IQGAP3: variants seen among roughly 807,000 people sequenced by gnomAD.
IQGAP3 encodes the protein IQ motif containing GTPase activating protein 3, also known as ras GTPase-activating-like protein IQGAP3.
A neutral mutation model predicts 208.2 loss-of-function variants in IQGAP3; 165 were observed. That is an observed-to-expected ratio of 0.79 (90% CI 0.70 to 0.90). The LOEUF is 0.90. Ranked by LOEUF, IQGAP3 falls within the 40% of genes least tolerant of loss-of-function variation. IQGAP3 has a pLI of 0.00. For missense variants in IQGAP3, 1,811 were observed against 2,043.1 expected (o/e 0.89, Z 2.19); for synonymous variants, 703 against 803.6 (o/e 0.87, Z 2.12).
At position 156,543,991 on chromosome 1, in the gene IQGAP3, G is replaced by A. The variant is rs1229331369; in HGVS notation, c.2520C>T (p.Tyr840=). The A allele has an allele frequency of 1.9e-6, 3 of 1,613,974 alleles. No individual in the cohort carries two copies. The highest frequency in any genetic ancestry group is 2.7e-5 in the African/African-American group (2 of 74,928). The part of the protein sequence containing the change: ...FFRARKAQDD[Y]RILVHAPHPP... ...GATCAGGCAGCTCACCTAATATCCT[G>A]TAGTCATCTTGGGCTTTCCTGGCTC... Residue 840 remains tyrosine, a synonymous_variant, in exon 22 of 38, where the codon TAC becomes TAT. Coordinates refer to ENST00000361170, the MANE Select transcript of IQGAP3 (RefSeq NM_178229.5).
At position 156,548,385 on chromosome 1, in the gene IQGAP3, G is replaced by C; in HGVS notation, c.2096C>G (p.Pro699Arg). 1.2e-6 allele frequency: 2 copies of C among 1,613,976 alleles called. No individual in the cohort carries two copies. Among genetic ancestry groups the C allele is most frequent in the Non-Finnish European group, 1.7e-6 (2 of 1,179,982 alleles). The change falls in exon 18 of 38, where the codon CCC becomes CGC. Residue 699 changes from proline to arginine, a missense_variant. Transcript: ENST00000361170. ...QGIWEQPPGCPLNTSHLTREE... is the reference protein window; with the variant it reads ...QGIWEQPPGCRLNTSHLTREE... Reference sequence around the variant, plus strand: ...CCGGGTCAGGTGAGAGGTGTTGAGGGGGCAGCCAGGAGGTTGCTCCCAGAT... The same window carrying C: ...CCGGGTCAGGTGAGAGGTGTTGAGGCGGCAGCCAGGAGGTTGCTCCCAGAT...
chr1:156,527,336 G>C (rs1473278717), intron 37 of IQGAP3, among the ~76,000 whole-genome samples: 2 of 151,822 alleles, frequency 1.3e-5, no homozygotes, highest in African/African-American at 4.8e-5. Flanking sequence ...ACAAAAAGCC[G>C]GTGTGGTGGC....
chr1:156,546,599 A>G (rs1158851087), intron 19 of IQGAP3, among the ~76,000 whole-genome samples: 1 of 152,202 alleles, frequency 6.6e-6, no homozygotes. Flanking sequence ...CGGAGCACTT[A>G]CCATGCTAAG....
chr1:156,569,773 C>T (rs930443724), intron 1 of IQGAP3, among the ~76,000 whole-genome samples: 1 of 152,082 alleles, frequency 6.6e-6, no homozygotes, highest in African/African-American at 2.4e-5. Context: ...CCCGCCTTGG[C>T]CTCCCAAAGT....
intron 19 of IQGAP3, among the ~76,000 whole-genome samples, chr1:156,547,800 G>A (rs1160485339): frequency 6.6e-6 from 1 of 152,184 alleles, no homozygotes. Flanking sequence ...TAAGGTAGGT[G>A]CTATCGTTAT....
At chr1:156,549,847 G>A (rs900560891) in intron 16 of IQGAP3, among the ~76,000 whole-genome samples, 5 of 152,120 alleles carry the variant, frequency 3.3e-5, no homozygotes, top group African/African-American at 9.7e-5. Flanking sequence ...GAGTCTGCCT[G>A]TTTTCCTCAA....
Position 156,539,916 on chromosome 1 carries a change from C to T in IQGAP3, c.2814G>A (p.Lys938=). Reference sequence around the variant, plus strand: ...TGCTCAGCGACTTTAAACCCTTCTGCTTGTCCAGAACCATCATATCTGACA... The same window carrying T: ...TGCTCAGCGACTTTAAACCCTTCTGTTTGTCCAGAACCATCATATCTGACA... ...EQLSDMMVLD[K]QKGLKSLSKE... is the part of the protein sequence containing the mutation. Residue 938 remains lysine, a synonymous_variant, in exon 24 of 38, where the codon AAG becomes AAA. Transcript: ENST00000361170. 1 of 1,614,138 alleles carries T rather than the reference C, an allele frequency of 6.2e-7. No individual in the cohort carries two copies. The highest frequency in any genetic ancestry group is 8.5e-7 in the Non-Finnish European group (1 of 1,180,024).
chr1:156,534,201 TC>T, intron 29 of IQGAP3, 60 bp from the exon 30 acceptor site: 1 of 1,603,688 alleles, frequency 6.2e-7, no homozygotes. Context: ...ACATCTTCTG[TC>T]CCCATCATTT....
In IQGAP3 at chr1:156,539,260, C is replaced by T. The variant is rs576275040; in HGVS notation, c.3056+114G>A. ...TCCACAGGAGGTAGAGAAAAGAGGTCTTCTGATTCCATTTCTACCCTTAGG... is the reference window on the plus strand; with the variant it reads ...TCCACAGGAGGTAGAGAAAAGAGGTTTTCTGATTCCATTTCTACCCTTAGG... On this transcript the variant is annotated intron_variant, in intron 25 of 37. Coordinates refer to ENST00000361170, the MANE Select transcript of IQGAP3 (RefSeq NM_178229.5). 25 of 1,054,632 alleles carry T rather than the reference C, an allele frequency of 2.4e-5. 1 individual carries two copies. The East Asian group carries it at 6.3e-4, about 26-fold the overall frequency. The allele number at this position is 1,054,632 out of a possible 1,614,324, so 65.3% of individuals were successfully genotyped here. A position where few individuals can be genotyped will look rare whatever the true frequency, so the allele number is the denominator to read the frequency against.
At position 156,539,403 on chromosome 1, in the gene IQGAP3, C is replaced by T. The variant is rs764977105; in HGVS notation, c.3027G>A (p.Leu1009=). 6.2e-7 allele frequency: 1 copy of T among 1,614,088 alleles called. No individual in the cohort carries two copies. Among genetic ancestry groups the T allele is most frequent in the Non-Finnish European group, 8.5e-7 (1 of 1,180,012 alleles). ...SRREAYLLLQ[L]FKTALQEEIK... ...TTTCCTCCTGGAGTGCTGTCTTGAA[C>T]AGCTGGAGCAGGAGATAGGCCTCTC... Residue 1009 remains leucine (L), a synonymous_variant, in exon 25 of 38, where the codon CTG becomes CTA. Coordinates refer to ENST00000361170, the MANE Select transcript of IQGAP3 (RefSeq NM_178229.5).
rs1674063157 is a variant in IQGAP3 at position 156,526,464 on chromosome 1, T to C, written c.*22A>G. 2 of 1,470,208 alleles carry C rather than the reference T, an allele frequency of 1.4e-6. No individual in the cohort carries two copies. The highest frequency in any genetic ancestry group is 1.7e-5 in the Admixed American group (1 of 59,818). The allele number at this position is 1,470,208 out of a possible 1,614,324, so 91.1% of individuals were successfully genotyped here. On this transcript the variant is annotated 3_prime_UTR_variant, in exon 38 of 38. Coordinates refer to ENST00000361170, the MANE Select transcript of IQGAP3 (RefSeq NM_178229.5). ...AGCATCCAGAGAGGTAAGAGGGGCTTGGGTAGCACCCTTTGCCTCTGTCAC... is the reference window on the plus strand; with the variant it reads ...AGCATCCAGAGAGGTAAGAGGGGCTCGGGTAGCACCCTTTGCCTCTGTCAC...
At chr1:156,569,486 G>A (rs373997166) in intron 1 of IQGAP3, 23 bp from the exon 2 acceptor site, 1 of 1,403,804 alleles carries the variant, frequency 7.1e-7, no homozygotes, top group Admixed American at 1.8e-5. Context: ...ACGGGATAAG[G>A]TCAATGAAGA....
At position 156,534,698 on chromosome 1, in the gene IQGAP3, G is replaced by A. The variant is rs139003841; in HGVS notation, c.3543C>T (p.Asn1181=). 2.9e-5 allele frequency: 46 copies of A among 1,605,870 alleles called. No individual in the cohort carries two copies. The highest frequency in any genetic ancestry group is 3.6e-5 in the Non-Finnish European group (42 of 1,177,112). Residue 1181 remains asparagine, a synonymous_variant, in exon 29 of 38, where the codon AAC becomes AAT. Coordinates refer to ENST00000361170, the MANE Select transcript of IQGAP3 (RefSeq NM_178229.5). ...VGNLLYYRFL[N]PAVVAPDAFD... ...AGGCGTCAGGAGCCACCACAGCTGG[G>A]TTCAGGAAGCGGTAGTACAGGAGGT...
rs776873378 is a variant in IQGAP3 at position 156,526,439 on chromosome 1, AG to A, written c.*46del. The A allele has an allele frequency of 1.7e-5, 21 of 1,206,616 alleles. No individual in the cohort carries two copies. The highest frequency in any genetic ancestry group is 2.6e-5 in the Non-Finnish European group (21 of 809,352). The allele number at this position is 1,206,616 out of a possible 1,614,324, so 74.7% of individuals were successfully genotyped here. Reference sequence around the variant, plus strand: ...ACAGTGGTGAGTTAGTGTTAAAGAAAGCATCCAGAGAGGTAAGAGGGGCTTG... The same window carrying A: ...ACAGTGGTGAGTTAGTGTTAAAGAAACATCCAGAGAGGTAAGAGGGGCTTG... On this transcript the variant is annotated 3_prime_UTR_variant, in exon 38 of 38. Transcript: ENST00000361170.
Position 156,561,878 on chromosome 1 carries a change from TA to T in IQGAP3, c.1000del (p.Tyr334ThrfsTer5). The T allele has an allele frequency of 6.2e-7, 1 of 1,614,052 alleles. No individual in the cohort carries two copies. The highest frequency in any genetic ancestry group is 8.5e-7 in the Non-Finnish European group (1 of 1,179,978). ...TCTGTCTGAGTTCAGCTGCTCCAGG[TA>T]CCAGTCAGCAAAGTCTCTCCTCACC... ...RGVRRDFADW[Y>X]LEQLNSDREQ... On this transcript the variant is annotated frameshift_variant, in exon 10 of 38. Transcript: ENST00000361170. LOFTEE classifies it high-confidence loss of function.
intron 1 of IQGAP3, among the ~76,000 whole-genome samples, chr1:156,570,665 A>G (rs980392130): frequency 7.2e-5 from 11 of 152,046 alleles, no homozygotes; most frequent in African/African-American, 2.7e-4. Flanking sequence ...GCGCACCACC[A>G]TGTCTGGCTA....
At position 156,525,868 on chromosome 1, in the gene IQGAP3, A is replaced by G. The variant is rs1674024096; in HGVS notation, c.*618T>C. 6.5e-6 allele frequency: 1 copy of G among 153,804 alleles called. No individual in the cohort carries two copies. Among genetic ancestry groups the G allele is most frequent in the East Asian group, 1.9e-4 (1 of 5,222 alleles). The allele number at this position is 153,804 out of a possible 1,614,324, so 9.5% of individuals were successfully genotyped here. A position where few individuals can be genotyped will look rare whatever the true frequency, so the allele number is the denominator to read the frequency against. Reference sequence around the variant, plus strand: ...TAAACAGACCACAGACAAGAGAACAAGACTTGAAGCTAATGGAAGGTCATC... The same window carrying G: ...TAAACAGACCACAGACAAGAGAACAGGACTTGAAGCTAATGGAAGGTCATC... On this transcript the variant is annotated 3_prime_UTR_variant, in exon 38 of 38. Transcript: ENST00000361170.
intron 35 of IQGAP3, 49 bp downstream of exon 35, chr1:156,528,867 G>T (rs956492665): frequency 5.6e-6 from 9 of 1,601,554 alleles, no homozygotes; most frequent in Non-Finnish European, 6.0e-6. Context: ...ACATGGGCAG[G>T]GGTGAGAAGT....
chr1:156,528,339 C>A (rs1013625722), intron 36 of IQGAP3, among the ~76,000 whole-genome samples, 170 bp downstream of exon 36: 1 of 152,314 alleles, frequency 6.6e-6, no homozygotes, highest in South Asian at 2.1e-4. Context: ...AGACCATGTC[C>A]ACAGCCCTTC....
Sources: gnomAD v4.1 joint callset for allele counts (sites outside exome capture counted in the v4.1 genomes callset) on GRCh38, gnomAD v4.1.1 for gene constraint, MANE v1.5 for transcripts, NCBI Gene and HGNC (gene_info 2026-07-23, HGNC 2026-07-21) for gene names.